Variants in THADA observed in about 807,000 individuals in gnomAD.
The protein encoded by THADA is tRNA (32-2'-O)-methyltransferase regulator THADA.
THADA carries 213 observed loss-of-function variants against 219.8 expected under a neutral mutation model. The observed-to-expected ratio is 0.97, with a 90% CI of 0.87 to 1.09. THADA has a LOEUF of 1.09. THADA is among the 50% of genes least tolerant of loss of function. THADA has a pLI of 0.00. For synonymous variants in THADA, 1,018 were observed against 828.9 expected (o/e 1.23, Z -3.92); for missense variants, 2,956 against 2,311.3 (o/e 1.28, Z -5.72).
In THADA at chr2:43,556,527, T is replaced by C; in HGVS notation, c.2492A>G (p.Gln831Arg). 6.2e-7 allele frequency: 1 copy of C among 1,613,790 alleles called. No homozygotes were observed. The highest frequency in any genetic ancestry group is 8.5e-7 in the Non-Finnish European group (1 of 1,179,786). Residue 831 changes from glutamine (Q) to arginine (R), a missense_variant, in exon 17 of 38, where the codon CAG (glutamine) becomes CGG (arginine). By Grantham distance (43) the Gln-to-Arg change is conservative (BLOSUM62 1). Coordinates refer to ENST00000405975, the MANE Select transcript of THADA (RefSeq NM_022065.5). Reference sequence around the variant, plus strand: ...GCTTGTGCTGAGCTCCAATGCTGCCTGAAATAAGCCTTGCAGTTTCCCCGA... The same window carrying C: ...GCTTGTGCTGAGCTCCAATGCTGCCCGAAATAAGCCTTGCAGTTTCCCCGA... Reference protein sequence around the residue: ...QDSGKLQGLFQAALELSTSTK... With the variant: ...QDSGKLQGLFRAALELSTSTK...
chr2:43,507,663 G>A (rs1324842220), intron 23 of THADA, among the ~76,000 whole-genome samples: 2 of 152,062 alleles, frequency 1.3e-5, no homozygotes, highest in African/African-American at 4.8e-5. Flanking sequence ...AAAAAATGTA[G>A]GGGCATGAAA....
At chr2:43,580,065 G>T (rs1227699205) in intron 8 of THADA, among the ~76,000 whole-genome samples, 10 of 123,420 alleles carry the variant, frequency 8.1e-5, no homozygotes, top group Non-Finnish European at 1.5e-4. Flanking sequence ...TTGCTCTGTT[G>T]CCAGGCTGGA....
chr2:43,289,657 G>A (rs1212480488), intron 34 of THADA, among the ~76,000 whole-genome samples: 1 of 152,140 alleles, frequency 6.6e-6, no homozygotes, highest in Non-Finnish European at 1.5e-5. Context: ...TTGTTTGTTT[G>A]TTTGCTTTTT....
At chr2:43,309,481 A>G (rs1677245735) in intron 31 of THADA, among the ~76,000 whole-genome samples, 1 of 152,242 alleles carries the variant, frequency 6.6e-6, no homozygotes, top group South Asian at 2.1e-4. Context: ...CATACACACA[A>G]TGGAATACTA....
Position 43,574,823 on chromosome 2 carries a change from C to T in THADA, c.1242G>A (p.Met414Ile). The T allele has an allele frequency of 1.9e-6, 3 of 1,613,960 alleles. No individual in the cohort carries two copies. The highest frequency in any genetic ancestry group is 2.5e-6 in the Non-Finnish European group (3 of 1,179,886). The change falls in exon 11 of 38, where the codon ATG (methionine) becomes ATA (isoleucine). Residue 414 changes from methionine to isoleucine, a missense_variant. Physicochemically the swap from Met to Ile is conservative, Grantham distance 10 (BLOSUM62 1). Coordinates refer to ENST00000405975, the MANE Select transcript of THADA (RefSeq NM_022065.5). ...LDALRHQTKI[M>I]FKNLLQMHRL... Reference sequence around the variant, plus strand: ...GGTGCATTTGGAGAAGGTTTTTGAACATGATTTTGGTTTGGTGTCTCAGAG... The same window carrying T: ...GGTGCATTTGGAGAAGGTTTTTGAATATGATTTTGGTTTGGTGTCTCAGAG...
intron 15 of THADA, among the ~76,000 whole-genome samples, chr2:43,561,470 C>G (rs1698055311): frequency 6.6e-6 from 1 of 152,150 alleles, no homozygotes; most frequent in African/African-American, 2.4e-5. Flanking sequence ...AGGATGAAAA[C>G]TCAAGAACTG....
chr2:43,555,035 G>A (rs973193877), intron 17 of THADA, among the ~76,000 whole-genome samples: 4 of 151,780 alleles, frequency 2.6e-5, no homozygotes, highest in African/African-American at 9.7e-5. Flanking sequence ...GTTGGATTAC[G>A]GATGCTCAAC....
At chr2:43,448,995 T>A (rs952292115) in intron 26 of THADA, among the ~76,000 whole-genome samples, 1 of 152,134 alleles carries the variant, frequency 6.6e-6, no homozygotes, top group Non-Finnish European at 1.5e-5. Flanking sequence ...GAACTGGCCC[T>A]GAGAAAGACT....
intron 7 of THADA, among the ~76,000 whole-genome samples, chr2:43,582,971 T>A (rs192985798): frequency 2.0e-4 from 31 of 152,266 alleles, no homozygotes; most frequent in African/African-American, 7.5e-4. Context: ...TCCCTGATCT[T>A]TTTATGTTAG....
intron 7 of THADA, among the ~76,000 whole-genome samples, chr2:43,585,208 G>A (rs931008625): frequency 6.6e-6 from 1 of 151,876 alleles, no homozygotes; most frequent in South Asian, 2.1e-4. Context: ...TTGGTGTCCC[G>A]TTATTAAACA....
intron 31 of THADA, among the ~76,000 whole-genome samples, chr2:43,319,948 T>C (rs989535891): frequency 2.6e-5 from 4 of 152,244 alleles, no homozygotes; most frequent in African/African-American, 9.6e-5. Flanking sequence ...TATGTGGATC[T>C]GGGGTCCATC....
At chr2:43,456,192 A>C (rs1398082776) in intron 26 of THADA, among the ~76,000 whole-genome samples, 1 of 152,216 alleles carries the variant, frequency 6.6e-6, no homozygotes, top group Non-Finnish European at 1.5e-5. Flanking sequence ...TACTCATCTA[A>C]ATTATAAAAT....
In THADA at chr2:43,292,089, G is replaced by A; in HGVS notation, c.4937+15C>T. On this transcript the variant is annotated intron_variant, in intron 33 of 37. Transcript: ENST00000405975. Reference sequence around the variant, plus strand: ...ACATCTTACCAAGGTTGCACAGGAGGTTTTGGGGGCAAACCTTTCATTGGA... The same window carrying A: ...ACATCTTACCAAGGTTGCACAGGAGATTTTGGGGGCAAACCTTTCATTGGA... 1 of 1,566,000 alleles carries A rather than the reference G, an allele frequency of 6.4e-7. No homozygotes were observed. Among genetic ancestry groups the A allele is most frequent in the Non-Finnish European group, 8.7e-7 (1 of 1,149,352 alleles).
At chr2:43,283,548 G>A (rs568066007) in intron 35 of THADA, among the ~76,000 whole-genome samples, 1 of 152,352 alleles carries the variant, frequency 6.6e-6, no homozygotes, top group East Asian at 1.9e-4. Flanking sequence ...TGCAGATGAG[G>A]AACTTATTGG....
intron 19 of THADA, among the ~76,000 whole-genome samples, chr2:43,549,969 A>G (rs6758733): frequency 0.28 from 37,770 of 134,018 alleles, 5,164 homozygotes; most frequent in African/African-American, 0.38. Context: ...TTTGAAACAC[A>G]TTATGTAATA....
At chr2:43,581,565 A>G (rs74506936) in intron 8 of THADA, among the ~76,000 whole-genome samples, 176 bp downstream of exon 8, 25 of 138,906 alleles carry the variant, frequency 1.8e-4, no homozygotes, top group East Asian at 8.1e-4. Flanking sequence ...AAAAGAAAAG[A>G]AAAAAAAAAA....
chr2:43,428,564 C>T (rs964649987), intron 27 of THADA, among the ~76,000 whole-genome samples: 3 of 152,202 alleles, frequency 2.0e-5, no homozygotes, highest in Non-Finnish European at 2.9e-5. Flanking sequence ...AAGATCACGC[C>T]ACTGCACTCC....
chr2:43,368,484 T>C (rs375397834), intron 29 of THADA, among the ~76,000 whole-genome samples: 22 of 151,892 alleles, frequency 1.4e-4, no homozygotes, highest in Non-Finnish European at 2.9e-4. Flanking sequence ...GCAGCCTTGA[T>C]CTCCTGGACT....
chr2:43,383,270 T>C (rs1355334980), intron 29 of THADA, among the ~76,000 whole-genome samples: 2 of 152,226 alleles, frequency 1.3e-5, no homozygotes, highest in Admixed American at 6.5e-5. Context: ...AGGCTCACTA[T>C]ATGCTTAGTA....
Sources: gnomAD v4.1 joint callset for allele counts (sites outside exome capture counted in the v4.1 genomes callset) on GRCh38, gnomAD v4.1.1 for gene constraint, MANE v1.5 for transcripts, NCBI Gene and HGNC (gene_info 2026-07-23, HGNC 2026-07-21) for gene names.